Variants in MAML3 observed in about 807,000 individuals in gnomAD.
MAML3 encodes mastermind like transcriptional coactivator 3.
Under a neutral mutation model 101.9 loss-of-function variants are expected in MAML3, and 27 were observed. The observed-to-expected ratio is 0.27, with a 90% confidence interval of 0.20 to 0.37. The LOEUF is 0.37. Ranked by LOEUF, MAML3 falls within the 10% of genes least tolerant of loss-of-function variation. The pLI is 1.00. For synonymous variants in MAML3, 501 were observed against 555.9 expected (o/e 0.90, Z 1.39); for missense variants, 1,316 against 1,444.9 (o/e 0.91, Z 1.45).
intron 1 of MAML3, among the ~76,000 whole-genome samples, chr4:140,018,200 A>G (rs986687397): frequency 6.6e-6 from 1 of 152,150 alleles, no homozygotes; most frequent in African/African-American, 2.4e-5. Context: ...CCCCTTTTCT[A>G]TGTGGCAGCT....
At chr4:139,816,537 G>A (rs1326257975) in intron 2 of MAML3, among the ~76,000 whole-genome samples, 2 of 152,064 alleles carry the variant, frequency 1.3e-5, no homozygotes, top group Non-Finnish European at 2.9e-5. Context: ...GTGGGGGAGG[G>A]AGAGAGGAAA....
At chr4:139,881,034 C>T (rs938037921) in intron 2 of MAML3, among the ~76,000 whole-genome samples, 33 of 152,142 alleles carry the variant, frequency 2.2e-4, no homozygotes, top group African/African-American at 7.7e-4. Context: ...TCTAATCCTG[C>T]AGTAGAAGAA....
intron 2 of MAML3, among the ~76,000 whole-genome samples, chr4:139,858,452 C>CTTTTTTTTTTT (rs59968954): frequency 7.6e-6 from 1 of 131,388 alleles, no homozygotes. Context: ...TGATTCTTGG[C>CTTTTTTTTTTT]TTTTTTTTTT....
intron 1 of MAML3, among the ~76,000 whole-genome samples, chr4:140,012,431 T>A (rs1726577832): frequency 6.6e-6 from 1 of 152,162 alleles, no homozygotes; most frequent in Non-Finnish European, 1.5e-5. Flanking sequence ...AGTCGTCCAG[T>A]TCATCAGTTC....
chr4:139,855,571 T>C (rs1457453433), intron 2 of MAML3, among the ~76,000 whole-genome samples: 1 of 152,220 alleles, frequency 6.6e-6, no homozygotes, highest in Non-Finnish European at 1.5e-5. Flanking sequence ...GGTTTAAAAA[T>C]CACCGGAGAA....
intron 2 of MAML3, among the ~76,000 whole-genome samples, chr4:139,736,495 C>A (rs1194327563): frequency 6.6e-6 from 1 of 152,096 alleles, no homozygotes; most frequent in Non-Finnish European, 1.5e-5. Context: ...AGTCCCCACC[C>A]CCTGAAATGA....
intron 2 of MAML3, among the ~76,000 whole-genome samples, chr4:139,854,800 G>GAGACCTCTGTCCTAAGGGCAGTC: frequency 1.2e-5 from 1 of 84,194 alleles, no homozygotes; most frequent in Admixed American, 1.3e-4. Flanking sequence ...GGGGACTCAG[G>GAGACCTCTGTCCTAAGGGCAGTC]TCATCTGGTG....
intron 1 of MAML3, among the ~76,000 whole-genome samples, chr4:140,110,030 T>C (rs529589867): frequency 6.6e-6 from 1 of 151,874 alleles, no homozygotes; most frequent in Non-Finnish European, 1.5e-5. Context: ...GAAAACGGGG[T>C]GGGTGGGAGA....
chr4:140,147,019 G>A (rs1238645653), intron 1 of MAML3, among the ~76,000 whole-genome samples: 1 of 150,982 alleles, frequency 6.6e-6, no homozygotes, highest in Non-Finnish European at 1.5e-5. Context: ...TGTAGTCTCA[G>A]CTACTCGGGA....
At chr4:140,006,432 A>C (rs1217579900) in intron 1 of MAML3, among the ~76,000 whole-genome samples, 1 of 152,022 alleles carries the variant, frequency 6.6e-6, no homozygotes, top group Non-Finnish European at 1.5e-5. Flanking sequence ...CTAAAAATAC[A>C]AAAATTAGCC....
intron 1 of MAML3, among the ~76,000 whole-genome samples, chr4:139,903,821 C>A (rs1448605191): frequency 2.6e-5 from 4 of 152,098 alleles, no homozygotes; most frequent in Non-Finnish European, 5.9e-5. Flanking sequence ...CTGGAAAGTC[C>A]AAGATCAAGG....
intron 1 of MAML3, among the ~76,000 whole-genome samples, chr4:140,141,074 G>A (rs1290139047): frequency 6.6e-6 from 1 of 152,204 alleles, no homozygotes; most frequent in Non-Finnish European, 1.5e-5. Flanking sequence ...GCAGTCAGGT[G>A]AAGACAGAAA....
chr4:139,762,283 G>A (rs1414081472), intron 2 of MAML3, among the ~76,000 whole-genome samples: 2 of 152,194 alleles, frequency 1.3e-5, no homozygotes, highest in Non-Finnish European at 2.9e-5. Flanking sequence ...GGAAGAATGG[G>A]AACAGAAAGG....
intron 2 of MAML3, among the ~76,000 whole-genome samples, chr4:139,763,281 T>C (rs1291931467): frequency 6.6e-6 from 1 of 152,216 alleles, no homozygotes; most frequent in Non-Finnish European, 1.5e-5. Flanking sequence ...ACATTCCTGA[T>C]AGGGAATCCT....
intron 2 of MAML3, among the ~76,000 whole-genome samples, chr4:139,731,625 A>AT (rs1728729313): frequency 1.3e-5 from 2 of 152,154 alleles, no homozygotes; most frequent in South Asian, 4.2e-4. Flanking sequence ...TCAAAAAAAA[A>AT]GAATTGAGTC....
intron 2 of MAML3, among the ~76,000 whole-genome samples, chr4:139,755,549 A>T (rs1050717466): frequency 6.6e-6 from 1 of 152,192 alleles, no homozygotes; most frequent in African/African-American, 2.4e-5. Context: ...CGGAGCTTGC[A>T]GTGAGAGGAG....
At chr4:139,956,653 CCA>C (rs2110767389) in intron 1 of MAML3, among the ~76,000 whole-genome samples, 1 of 152,316 alleles carries the variant, frequency 6.6e-6, no homozygotes, top group East Asian at 1.9e-4. Flanking sequence ...ATTCCAGACT[CCA>C]CCCCTGCACA....
At chr4:139,886,523 A>G (rs1490163376) in intron 2 of MAML3, among the ~76,000 whole-genome samples, 1 of 152,096 alleles carries the variant, frequency 6.6e-6, no homozygotes, top group African/African-American at 2.4e-5. Flanking sequence ...GTTATTCAGT[A>G]TTTTTCTACA....
chr4:139,976,377 A>G (rs1209537818), intron 1 of MAML3, among the ~76,000 whole-genome samples: 1 of 152,236 alleles, frequency 6.6e-6, no homozygotes, highest in Non-Finnish European at 1.5e-5. Flanking sequence ...AAAAAGCAAG[A>G]GGGGATGTGA....
Sources: gnomAD v4.1 joint callset for allele counts (sites outside exome capture counted in the v4.1 genomes callset) on GRCh38, gnomAD v4.1.1 for gene constraint, MANE v1.5 for transcripts, NCBI Gene and HGNC (gene_info 2026-07-23, HGNC 2026-07-21) for gene names.